The following BTN2A2 variants were observed in gnomAD, a reference collection of about 807,000 sequenced individuals.
BTN2A2 encodes the protein butyrophilin 2.
In BTN2A2, 29 loss-of-function variants were observed where a neutral mutation model predicts 34.7. The observed-to-expected ratio is 0.84, with a 90% confidence interval of 0.62 to 1.14. The LOEUF (loss-of-function observed/expected upper bound fraction) is 1.14, where lower values mean the gene tolerates loss of function less well. Ranked by LOEUF, BTN2A2 falls within the 50% of genes most tolerant of loss-of-function variation. The pLI is 0.00. For synonymous variants in BTN2A2, 240 were observed against 253.1 expected (o/e 0.95, Z 0.49); for missense variants, 612 against 651.5 (o/e 0.94, Z 0.66).
rs1437027793 is a variant in BTN2A2 at position 26,392,477 on chromosome 6, A to T, written c.1082A>T (p.Asn361Ile). The T allele has an allele frequency of 6.2e-7, 1 of 1,614,102 alleles. No homozygotes were observed. The change falls in exon 8 of 8, where the codon AAC (asparagine) becomes ATC (isoleucine). Residue 361 changes from asparagine to isoleucine, a missense_variant. Physicochemically the swap from Asn to Ile is moderately radical, Grantham distance 149. Coordinates refer to ENST00000356709, the MANE Select transcript of BTN2A2 (RefSeq NM_006995.5). ...RGPYRQRVPD[N>I]PERFDSQPCV... The stretch of plus-strand genomic sequence containing the variant: ...CCCTACAGGCAGAGAGTGCCTGACA[A>T]CCCAGAGAGATTCGACAGTCAGCCT...
chr6:26,391,580 T>C (rs1339953220), intron 7 of BTN2A2: 1 of 153,436 alleles, frequency 6.5e-6, no homozygotes, highest in Non-Finnish European at 1.5e-5. Flanking sequence ...TATCAACTTG[T>C]GGAAAAGAGA....
rs1157221835 is a variant in BTN2A2 at position 26,392,458 on chromosome 6, A to C, written c.1063A>C (p.Arg355=). ...GAGAAGTGTGAGGCGGGGCCCCTAC[A>C]GGCAGAGAGTGCCTGACAACCCAGA... ...DRRSVRRGPY[R]QRVPDNPERF... Residue 355 remains arginine, a synonymous_variant, in exon 8 of 8, where the codon AGG becomes CGG. Transcript: ENST00000356709. 3 of 1,614,094 alleles carry C rather than the reference A, an allele frequency of 1.9e-6. No homozygotes were observed. Among genetic ancestry groups the C allele is most frequent in the Non-Finnish European group, 2.5e-6 (3 of 1,180,050 alleles).
At position 26,390,215 on chromosome 6, in the gene BTN2A2, A is replaced by T; in HGVS notation, c.931+4A>T. ...CAAGAGGAAAAAGAAATTGCACGTA[A>T]GGAATTTGTAAAGAAAGTGTGGAAA... On this transcript the variant is annotated splice_donor_region_variant and intron_variant, in intron 5 of 7. Transcript: ENST00000356709. The T allele has an allele frequency of 1.2e-6, 2 of 1,612,664 alleles. No homozygotes were observed.
chr6:26,385,401 G>T, intron 3 of BTN2A2, 39 bp downstream of exon 3: 1 of 1,567,360 alleles, frequency 6.4e-7, no homozygotes, highest in South Asian at 1.2e-5. Flanking sequence ...TTTGCACAGT[G>T]TGACTTTTGG....
chr6:26,393,221 T>C lies in BTN2A2; in HGVS notation c.*254T>C. ...CATAGGGAACTAGTTGTTTCATAGC[T>C]CCCAGTCAAAAAGAAAGTGAGAGAA... On this transcript the variant is annotated 3_prime_UTR_variant, in exon 8 of 8. Transcript: ENST00000356709. The C allele has an allele frequency of 6.7e-7, 1 of 1,495,238 alleles. No homozygotes were observed. Among genetic ancestry groups the C allele is most frequent in the Non-Finnish European group, 8.9e-7 (1 of 1,124,526 alleles). The allele number at this position is 1,495,238 out of a possible 1,614,324, so 92.6% of individuals were successfully genotyped here.
chr6:26,384,640 G>A lies in BTN2A2; in HGVS notation c.95-375G>A, dbSNP rs574675294. On this transcript the variant is annotated intron_variant, in intron 2 of 7. Coordinates refer to ENST00000356709, the MANE Select transcript of BTN2A2 (RefSeq NM_006995.5). This position sits in a 1 kb window ranked among gnomAD's most constrained non-coding sequence, Gnocchi z 4.0. ...TTACACTTAGAGTTCATTTTTATTG[G>A]AACTGTTAAATAGCTAGTGGATAGA... is the stretch of plus-strand genomic sequence containing the variant. Among the ~76,000 whole-genome samples the A allele has an allele frequency of 2.0e-5, 3 of 152,120 alleles. No individual in the cohort carries two copies. Among genetic ancestry groups the A allele is most frequent in the African/African-American group, 7.2e-5 (3 of 41,476 alleles).
intron 6 of BTN2A2, 30 bp from the exon 7 acceptor site, chr6:26,390,773 G>A (rs757588311): frequency 2.5e-5 from 40 of 1,614,218 alleles, no homozygotes; most frequent in East Asian, 1.1e-4. Flanking sequence ...GCAGTGTCTC[G>A]TGACATTCAC....
In BTN2A2 at chr6:26,390,936, T is replaced by C. The variant is rs374432830; in HGVS notation, c.979+107T>C. On this transcript the variant is annotated intron_variant, in intron 7 of 7. Coordinates refer to ENST00000356709, the MANE Select transcript of BTN2A2 (RefSeq NM_006995.5). ...GGGGCCCAGGGCTACACAGGGACCA[T>C]AGGGAACTGGGGTCAGTTCATCAAC... 1.3e-5 allele frequency: 21 copies of C among 1,556,640 alleles called. No individual in the cohort carries two copies. In the African/African-American group the frequency reaches 1.5e-4, roughly 11 times the overall value.
chr6:26,385,752 C>T (rs1761158823), intron 3 of BTN2A2, among the ~76,000 whole-genome samples: 1 of 152,058 alleles, frequency 6.6e-6, no homozygotes, highest in Admixed American at 6.6e-5. Flanking sequence ...GGGGTTTCAC[C>T]ATGTTGGCAG....
chr6:26,387,987 G>C, intron 3 of BTN2A2, 26 bp from the exon 4 acceptor site: 1 of 1,593,136 alleles, frequency 6.3e-7, no homozygotes, highest in African/African-American at 1.3e-5. Flanking sequence ...ACTGCCTTTT[G>C]GCTGAGCCCT....
At chr6:26,391,860 C>T (rs1761596696) in intron 7 of BTN2A2, 1 of 202,660 alleles carries the variant, frequency 4.9e-6, no homozygotes, top group Admixed American at 5.3e-5. Context: ...CCACTTAAAT[C>T]AGTTGTCACC....
intron 7 of BTN2A2, 71 bp from the exon 8 acceptor site, chr6:26,392,304 T>C (rs752240061): frequency 1.9e-6 from 3 of 1,611,362 alleles, no homozygotes; most frequent in Middle Eastern, 3.3e-4. Flanking sequence ...GAGACTTCTC[T>C]GGGGACCAGG....
chr6:26,385,833 C>G (rs961006757), intron 3 of BTN2A2, among the ~76,000 whole-genome samples: 2 of 152,126 alleles, frequency 1.3e-5, no homozygotes, highest in Non-Finnish European at 2.9e-5. Context: ...TACAGGCGTG[C>G]GCCACCACGC....
rs1760979999 is a variant in BTN2A2, at chr6:26,383,405, G to C, written c.-31+224G>C. 4.7e-6 allele frequency: 1 copy of C among 212,564 alleles called. No individual in the cohort carries two copies. The highest frequency in any genetic ancestry group is 9.5e-6 in the Non-Finnish European group (1 of 105,008). The allele number at this position is 212,564 out of a possible 1,614,324, so 13.2% of individuals were successfully genotyped here. ...GGAGCGGGATCTGCTCTGGAGAGGAGAGGGGGACCTGGGAGACAGGAAGCC... is the reference window on the plus strand; with the variant it reads ...GGAGCGGGATCTGCTCTGGAGAGGACAGGGGGACCTGGGAGACAGGAAGCC... On this transcript the variant is annotated intron_variant, in intron 1 of 7. Coordinates refer to ENST00000356709, the MANE Select transcript of BTN2A2 (RefSeq NM_006995.5). This position sits in a 1 kb window ranked among gnomAD's most constrained non-coding sequence, Gnocchi z 4.4.
Position 26,384,942 on chromosome 6 carries a change from G to T in BTN2A2, c.95-73G>T. 2 of 1,425,492 alleles carry T rather than the reference G, an allele frequency of 1.4e-6. No homozygotes were observed. Among genetic ancestry groups the T allele is most frequent in the East Asian group, 2.3e-5 (1 of 43,044 alleles). The allele number at this position is 1,425,492 out of a possible 1,614,324, so 88.3% of individuals were successfully genotyped here. On this transcript the variant is annotated intron_variant, in intron 2 of 7. Coordinates refer to ENST00000356709, the MANE Select transcript of BTN2A2 (RefSeq NM_006995.5). This position sits in a 1 kb window ranked among gnomAD's most constrained non-coding sequence, Gnocchi z 4.0. ...GAGTTTTTTTTGTTTGTTTGTTTTTGTTTTTTGTTTTTTGTTTTGCCTTAG... is the reference window on the plus strand; with the variant it reads ...GAGTTTTTTTTGTTTGTTTGTTTTTTTTTTTTGTTTTTTGTTTTGCCTTAG...
intron 5 of BTN2A2, 76 bp downstream of exon 5, chr6:26,390,287 T>C (rs1561831761): frequency 7.0e-7 from 1 of 1,435,744 alleles, no homozygotes. Context: ...AGGAGGACAA[T>C]TGACTGTCAT....
At position 26,394,082 on chromosome 6, in the gene BTN2A2, A is replaced by G; in HGVS notation, c.*1115A>G. 2.1e-6 allele frequency: 1 copy of G among 484,596 alleles called. No individual in the cohort carries two copies. Among genetic ancestry groups the G allele is most frequent in the Non-Finnish European group, 3.7e-6 (1 of 273,268 alleles). The allele number at this position is 484,596 out of a possible 1,614,324, so 30.0% of individuals were successfully genotyped here. A position where few individuals can be genotyped will look rare whatever the true frequency, so the allele number is the denominator to read the frequency against. The stretch of plus-strand genomic sequence containing the variant: ...GCCTTTGTATTAAACCTATTGGTAT[A>G]TCATAGGTCATGTTAGCTCAAAAAA... On this transcript the variant is annotated 3_prime_UTR_variant, in exon 8 of 8. Transcript: ENST00000356709.
chr6:26,389,531 T>C (rs1761435328), intron 4 of BTN2A2, among the ~76,000 whole-genome samples: 4 of 152,190 alleles, frequency 2.6e-5, no homozygotes, highest in Admixed American at 2.6e-4. Flanking sequence ...AACTACGTTA[T>C]ATATGGCAGC....
In BTN2A2 at chr6:26,384,946, T is replaced by C; in HGVS notation, c.95-69T>C. On this transcript the variant is annotated intron_variant, in intron 2 of 7. Coordinates refer to ENST00000356709, the MANE Select transcript of BTN2A2 (RefSeq NM_006995.5). This position sits in a 1 kb window ranked among gnomAD's most constrained non-coding sequence, Gnocchi z 4.0. ...TTTTTTTGTTTGTTTGTTTTTGTTT[T>C]TTGTTTTTTGTTTTGCCTTAGAGTT... The C allele has an allele frequency of 6.8e-7, 1 of 1,476,014 alleles. No individual in the cohort carries two copies. 91.4% of individuals were successfully genotyped at this position (1,476,014 alleles called of 1,614,324 possible). A position where few individuals can be genotyped will look rare whatever the true frequency, so the allele number is the denominator to read the frequency against.
Sources: gnomAD v4.1 joint callset for allele counts (sites outside exome capture counted in the v4.1 genomes callset) on GRCh38, gnomAD v4.1.1 for gene constraint, Gnocchi (gnomAD v3.1) non-coding constraint, MANE v1.5 for transcripts, NCBI Gene and HGNC (gene_info 2026-07-23, HGNC 2026-07-21) for gene names.